The following ANKS1B variants were observed in gnomAD, a reference collection of about 807,000 sequenced individuals.
ANKS1B encodes ankyrin repeat and sterile alpha motif domain-containing protein 1B.
ANKS1B carries 36 observed loss-of-function variants against 148.3 expected under a neutral mutation model. That is an observed-to-expected ratio of 0.24 (90% confidence interval 0.19 to 0.32). The LOEUF (loss-of-function observed/expected upper bound fraction) is 0.32. Ranked by LOEUF, ANKS1B falls within the 10% of genes least tolerant of loss-of-function variation. The pLI is 1.00. For synonymous variants in ANKS1B, 542 were observed against 560.8 expected, an observed-to-expected ratio of 0.97 and a Z score of 0.47; for missense variants, 1,157 against 1,542.6, an observed-to-expected ratio of 0.75 and a Z score of 4.19.
intron 1 of ANKS1B, among the ~76,000 whole-genome samples, chr12:99,888,614 G>C (rs1040121764): frequency 6.6e-6 from 1 of 152,050 alleles, no homozygotes; most frequent in Admixed American, 6.5e-5. Flanking sequence ...AAAAAAGATC[G>C]GCCAACTAAA....
intron 4 of ANKS1B, among the ~76,000 whole-genome samples, chr12:99,794,143 A>G (rs867483804): frequency 2.0e-5 from 3 of 152,060 alleles, no homozygotes; most frequent in African/African-American, 7.2e-5. Flanking sequence ...CCCAGTTAAA[A>G]TGGCTTTTAT....
At chr12:99,278,398 A>T (rs978700649) in intron 12 of ANKS1B, among the ~76,000 whole-genome samples, 1 of 152,194 alleles carries the variant, frequency 6.6e-6, no homozygotes, top group Non-Finnish European at 1.5e-5. Context: ...AGCAAGGAAA[A>T]TATTTGCTAT....
chr12:99,052,734 C>CAAA (rs56965572), intron 17 of ANKS1B, among the ~76,000 whole-genome samples: 6 of 26,004 alleles, frequency 2.3e-4, no homozygotes, highest in Non-Finnish European at 1.8e-4. Flanking sequence ...GACTCCGTCT[C>CAAA]AAAAAAAAAA....
chr12:99,791,779 A>G (rs1356105369), intron 4 of ANKS1B, among the ~76,000 whole-genome samples: 1 of 140,628 alleles, frequency 7.1e-6, no homozygotes, highest in Non-Finnish European at 1.6e-5. Context: ...CTTTATAGCC[A>G]TCAATGCCTA....
intron 1 of ANKS1B, among the ~76,000 whole-genome samples, chr12:99,862,710 T>G (rs944614159): frequency 2.0e-5 from 3 of 152,228 alleles, no homozygotes; most frequent in Admixed American, 6.5e-5. Context: ...AATGTATTGT[T>G]TTCATCTTCC....
intron 24 of ANKS1B, among the ~76,000 whole-genome samples, chr12:98,778,619 C>T (rs562110620): frequency 6.0e-4 from 92 of 152,262 alleles, no homozygotes; most frequent in African/African-American, 2.1e-3. Context: ...CAGGTGTCCT[C>T]GCACACACTG....
At chr12:99,939,509 G>A (rs1396758322) in intron 1 of ANKS1B, among the ~76,000 whole-genome samples, 3 of 152,276 alleles carry the variant, frequency 2.0e-5, no homozygotes, top group Middle Eastern at 3.4e-3. Flanking sequence ...GGGATTACAA[G>A]TGTGAGCCAC....
intron 25 of ANKS1B, among the ~76,000 whole-genome samples, chr12:98,753,939 A>G (rs2098163754): frequency 6.6e-6 from 1 of 152,148 alleles, no homozygotes; most frequent in South Asian, 2.1e-4. Flanking sequence ...AAGATGATGG[A>G]GAGGAAGATG....
chr12:99,338,311 C>A (rs367905527), intron 12 of ANKS1B, among the ~76,000 whole-genome samples: 34 of 152,268 alleles, frequency 2.2e-4, no homozygotes, highest in African/African-American at 7.7e-4. Flanking sequence ...ACCACTGCCC[C>A]AGGCCCATGT....
chr12:99,440,930 A>G (rs1011303720), intron 11 of ANKS1B, among the ~76,000 whole-genome samples: 1 of 151,888 alleles, frequency 6.6e-6, no homozygotes, highest in African/African-American at 2.4e-5. Flanking sequence ...CACCTACTCA[A>G]TATCAGTCTT....
chr12:99,466,460 G>C (rs909790403), intron 10 of ANKS1B, among the ~76,000 whole-genome samples: 15 of 151,798 alleles, frequency 9.9e-5, no homozygotes, highest in African/African-American at 3.6e-4. Flanking sequence ...GAAGGAAATA[G>C]AGACACAAAA....
chr12:98,827,494 C>G (rs2099259018), intron 19 of ANKS1B, among the ~76,000 whole-genome samples: 1 of 152,142 alleles, frequency 6.6e-6, no homozygotes, highest in Non-Finnish European at 1.5e-5. Flanking sequence ...CAAGGCAAGA[C>G]AATTCTCATA....
At chr12:98,814,992 T>C (rs2099128060) in intron 19 of ANKS1B, among the ~76,000 whole-genome samples, 1 of 152,206 alleles carries the variant, frequency 6.6e-6, no homozygotes, top group East Asian at 1.9e-4. Flanking sequence ...GCTCAGAAAA[T>C]ACAACACAAC....
intron 17 of ANKS1B, among the ~76,000 whole-genome samples, chr12:98,880,524 T>C (rs1318606168): frequency 2.6e-5 from 4 of 152,166 alleles, no homozygotes; most frequent in Non-Finnish European, 5.9e-5. Flanking sequence ...CCCAGCACTT[T>C]GGGAGGCCGA....
intron 1 of ANKS1B, among the ~76,000 whole-genome samples, chr12:99,967,164 CTAAAT>C (rs1734166871): frequency 6.6e-6 from 1 of 151,898 alleles, no homozygotes; most frequent in Non-Finnish European, 1.5e-5. Context: ...TATTGAATAT[CTAAAT>C]TATTTATTGC....
Position 99,226,324 on chromosome 12 carries a change from T to C in ANKS1B, c.2419+18018A>G, listed in dbSNP as rs115016221. Among the ~76,000 whole-genome samples, 788 of 152,314 alleles carry C rather than the reference T, an allele frequency of 5.2e-3. 9 individuals carry two copies. The highest frequency in any genetic ancestry group is 0.018 in the African/African-American group (767 of 41,566). ...CAACCATTTCATGTGTCAGTAACAG[T>C]AGATGATAGGTATTTGGTATTATAC... On this transcript the variant is annotated intron_variant, in intron 14 of 26. Transcript: ENST00000683438.
chr12:99,091,745 G>A (rs1234095707), intron 15 of ANKS1B, among the ~76,000 whole-genome samples: 1 of 152,122 alleles, frequency 6.6e-6, no homozygotes, highest in Non-Finnish European at 1.5e-5. Flanking sequence ...CACTTACTGT[G>A]TCAGGCACTG....
chr12:99,313,671 T>C (rs78934688), intron 12 of ANKS1B, among the ~76,000 whole-genome samples: 6 of 152,164 alleles, frequency 3.9e-5, no homozygotes, highest in East Asian at 3.8e-4. Flanking sequence ...AAAAACCACA[T>C]GATTATCTCA....
chr12:99,590,092 T>C (rs2097684737), intron 9 of ANKS1B, among the ~76,000 whole-genome samples: 1 of 152,084 alleles, frequency 6.6e-6, no homozygotes, highest in African/African-American at 2.4e-5. Flanking sequence ...AAAAATATAA[T>C]GCTGAAAAAA....
Sources: allele counts gnomAD v4.1 joint callset (sites outside exome capture counted in the v4.1 genomes callset), GRCh38; gene constraint gnomAD v4.1.1; transcripts MANE v1.5; gene names NCBI Gene and HGNC (gene_info 2026-07-23, HGNC 2026-07-21).